The following RBFOX1 variants were observed in gnomAD, a reference collection of about 807,000 sequenced individuals.
RBFOX1 encodes RNA binding fox-1 homolog 1, also known as RNA binding protein fox-1 homolog 1.
RBFOX1 carries 8 observed loss-of-function variants against 57.7 expected under a neutral mutation model. The observed-to-expected ratio is 0.14, with a 90% confidence interval of 0.08 to 0.25. The LOEUF is 0.25. Ranked by LOEUF, RBFOX1 falls within the 10% of genes least tolerant of loss-of-function variation. The pLI is 1.00. For missense variants in RBFOX1, 611 were observed against 548.5 expected, an observed-to-expected ratio of 1.11 and a Z score of -1.14; for synonymous variants, 326 against 222.4, an observed-to-expected ratio of 1.47 and a Z score of -4.15.
intron 2 of RBFOX1, among the ~76,000 whole-genome samples, chr16:5,590,046 T>TACACACACAC (rs148421648): frequency 2.1e-5 from 3 of 142,984 alleles, no homozygotes; most frequent in East Asian, 2.1e-4. Context: ...GTCTGCGTGT[T>TACACACACAC]ACACACACAC....
intron 1 of RBFOX1, among the ~76,000 whole-genome samples, chr16:6,073,161 A>G (rs947974021): frequency 3.9e-5 from 6 of 152,210 alleles, no homozygotes; most frequent in Non-Finnish European, 7.3e-5. Context: ...GGGGTTGGCC[A>G]CAAGTTGATA....
chr16:5,459,052 C>T (rs900164885), intron 1 of RBFOX1, among the ~76,000 whole-genome samples: 3 of 152,178 alleles, frequency 2.0e-5, no homozygotes, highest in Non-Finnish European at 2.9e-5. Flanking sequence ...GGCAGATGCT[C>T]CCTTAAGGGA....
At chr16:7,622,615 TG>T (rs1397780379) in intron 10 of RBFOX1, among the ~76,000 whole-genome samples, 2 of 137,984 alleles carry the variant, frequency 1.4e-5, no homozygotes, top group African/African-American at 6.4e-5. Flanking sequence ...AAACAAGAAG[TG>T]GTGTATTTTT....
At chr16:6,766,028 C>T (rs1040113812) in intron 3 of RBFOX1, among the ~76,000 whole-genome samples, 3 of 152,050 alleles carry the variant, frequency 2.0e-5, no homozygotes, top group Non-Finnish European at 2.9e-5. Context: ...TTTAGTACAA[C>T]GTACACTACT....
intron 4 of RBFOX1, among the ~76,000 whole-genome samples, chr16:5,886,143 C>T (rs537383193): frequency 5.9e-5 from 9 of 152,318 alleles, no homozygotes; most frequent in South Asian, 4.2e-4. Context: ...GCTTCCTCTA[C>T]AGCTTGTGGA....
intron 4 of RBFOX1, among the ~76,000 whole-genome samples, chr16:7,353,367 A>ATG (rs1568368718): frequency 6.6e-6 from 1 of 152,206 alleles, no homozygotes; most frequent in Non-Finnish European, 1.5e-5. Flanking sequence ...GCTGGCAGGA[A>ATG]TGTAAAATTC....
intron 1 of RBFOX1, among the ~76,000 whole-genome samples, chr16:6,231,550 G>A (rs558288428): frequency 6.6e-6 from 1 of 152,298 alleles, no homozygotes; most frequent in South Asian, 2.1e-4. Flanking sequence ...ATGTGTCCTT[G>A]GCAAGGGCAC....
intron 14 of RBFOX1, among the ~76,000 whole-genome samples, chr16:7,698,923 G>T (rs564964785): frequency 1.8e-4 from 27 of 152,176 alleles, no homozygotes; most frequent in African/African-American, 6.3e-4. Context: ...TAGATAGTCT[G>T]AATTAGCCTA....
chr16:5,904,539 G>A (rs1046680938), intron 4 of RBFOX1, among the ~76,000 whole-genome samples: 1 of 151,868 alleles, frequency 6.6e-6, no homozygotes, highest in Non-Finnish European at 1.5e-5. Flanking sequence ...CGGAAGGCAG[G>A]CAGGTGCATT....
chr16:7,044,061 A>G lies in RBFOX1; in HGVS notation c.-15-7996A>G, dbSNP rs537495605. Among the ~76,000 whole-genome samples the G allele has an allele frequency of 3.3e-5, 5 of 152,236 alleles. 1 individual carries two copies. The highest frequency in any genetic ancestry group is 2.1e-4 in the South Asian group (1 of 4,812). Reference sequence around the variant, plus strand: ...CTGTATTGTAATTATCCATAGACTCATCTTTTTCCCCACCTAGACAATAGC... The same window carrying G: ...CTGTATTGTAATTATCCATAGACTCGTCTTTTTCCCCACCTAGACAATAGC... On this transcript the variant is annotated intron_variant, in intron 3 of 15. Coordinates refer to ENST00000550418, the MANE Select transcript of RBFOX1 (RefSeq NM_018723.4).
chr16:5,422,878 T>C (rs781494986), intron 1 of RBFOX1, among the ~76,000 whole-genome samples: 29 of 59,040 alleles, frequency 4.9e-4, no homozygotes, highest in Non-Finnish European at 7.7e-4. Context: ...GGAAGATGAG[T>C]AGGGAGTGGG....
intron 3 of RBFOX1, among the ~76,000 whole-genome samples, chr16:6,963,796 T>A (rs1273434149): frequency 2.0e-5 from 3 of 148,646 alleles, no homozygotes; most frequent in Non-Finnish European, 4.5e-5. Flanking sequence ...CCTCCCGGGT[T>A]CATGCCATTC....
chr16:6,113,534 G>C (rs1002711588), intron 1 of RBFOX1, among the ~76,000 whole-genome samples: 10 of 152,184 alleles, frequency 6.6e-5, no homozygotes, highest in African/African-American at 2.4e-4. Flanking sequence ...AGATGGCCAG[G>C]AGCATCACAG....
intron 3 of RBFOX1, among the ~76,000 whole-genome samples, chr16:7,008,455 G>T (rs952340628): frequency 5.3e-5 from 8 of 151,900 alleles, no homozygotes; most frequent in African/African-American, 1.9e-4. Flanking sequence ...CAGCAGAATC[G>T]CTTGAACCTA....
At chr16:6,772,874 G>C (rs567705582) in intron 3 of RBFOX1, among the ~76,000 whole-genome samples, 4 of 150,424 alleles carry the variant, frequency 2.7e-5, no homozygotes, top group African/African-American at 9.8e-5. Context: ...GTGTGTGTCT[G>C]TGTGGGCGTG....
intron 2 of RBFOX1, among the ~76,000 whole-genome samples, chr16:6,317,355 T>TC (rs899075870): frequency 5.9e-5 from 9 of 152,082 alleles, no homozygotes; most frequent in African/African-American, 1.7e-4. Flanking sequence ...TTTCTTTTTT[T>TC]CTCCCCCTAA....
chr16:7,592,545 G>C (rs1160415706), intron 7 of RBFOX1, among the ~76,000 whole-genome samples: 1 of 152,164 alleles, frequency 6.6e-6, no homozygotes, highest in African/African-American at 2.4e-5. Flanking sequence ...ATACCACCTG[G>C]CCCTCCAGCT....
chr16:5,362,868 C>CT (rs947881272), intron 1 of RBFOX1, among the ~76,000 whole-genome samples: 104 of 152,112 alleles, frequency 6.8e-4, no homozygotes, highest in African/African-American at 2.3e-3. Flanking sequence ...GCAGGGTTTC[C>CT]TTTTTTCAAG....
chr16:6,006,772 C>G (rs770971206), intron 4 of RBFOX1, among the ~76,000 whole-genome samples: 1 of 152,068 alleles, frequency 6.6e-6, no homozygotes, highest in Admixed American at 6.5e-5. Flanking sequence ...TTGTTCAAGG[C>G]CAGACAAGAG....
Sources: gnomAD v4.1 joint callset for allele counts (sites outside exome capture counted in the v4.1 genomes callset) on GRCh38, gnomAD v4.1.1 for gene constraint, MANE v1.5 for transcripts, NCBI Gene and HGNC (gene_info 2026-07-23, HGNC 2026-07-21) for gene names.